Variants in REDIC1 observed in about 807,000 individuals in gnomAD.
REDIC1 encodes the protein regulator of DNA class I crossover intermediates 1.
the REDIC1 span, among the ~76,000 whole-genome samples, chr12:39,727,833 C>CAG: frequency 6.6e-6 from 1 of 152,136 alleles, no homozygotes; most frequent in Non-Finnish European, 1.5e-5. Context: ...TTTCCTAGAG[C>CAG]AGTGGTTTGT....
At chr12:39,810,214 C>T in the REDIC1 span, among the ~76,000 whole-genome samples, 13 of 152,156 alleles carry the variant, frequency 8.5e-5, no homozygotes, top group Non-Finnish European at 1.5e-4. Flanking sequence ...TTTAATTTCA[C>T]TCGGTAATAT....
At chr12:39,746,343 T>C in the REDIC1 span, among the ~76,000 whole-genome samples, 1 of 151,988 alleles carries the variant, frequency 6.6e-6, no homozygotes, top group African/African-American at 2.4e-5. Flanking sequence ...CATTGCTCAC[T>C]GAGATCAAAC....
the REDIC1 span, among the ~76,000 whole-genome samples, chr12:39,809,197 G>T: frequency 8.4e-4 from 128 of 152,050 alleles, 1 homozygote; most frequent in African/African-American, 2.6e-3. Context: ...GATTAATTTG[G>T]TTTTTTTATT....
the REDIC1 span, among the ~76,000 whole-genome samples, chr12:39,897,622 G>C: frequency 6.6e-6 from 1 of 152,148 alleles, no homozygotes; most frequent in Non-Finnish European, 1.5e-5. Context: ...TTGAGCACTA[G>C]AAATATGGCT....
chr12:39,753,048 C>T, the REDIC1 span, among the ~76,000 whole-genome samples: 1 of 152,172 alleles, frequency 6.6e-6, no homozygotes, highest in South Asian at 2.1e-4. Context: ...GTCTGAGGAC[C>T]ATGCTTGGAG....
chr12:39,682,859 A>G, the REDIC1 span: 1 of 1,612,590 alleles, frequency 6.2e-7, no homozygotes. Context: ...AACATAGATG[A>G]GCAAAGGATA....
the REDIC1 span, among the ~76,000 whole-genome samples, chr12:39,699,114 GTAAA>G: frequency 9.2e-5 from 14 of 152,200 alleles, no homozygotes; most frequent in South Asian, 4.1e-4. Flanking sequence ...AAAAGAAGAT[GTAAA>G]TAAATAAAAT....
At chr12:39,812,996 A>ATTTT in the REDIC1 span, among the ~76,000 whole-genome samples, 4,127 of 40,520 alleles carry the variant, frequency 0.1, 1,547 homozygotes, top group Non-Finnish European at 0.11. Flanking sequence ...TGCCCAGCTA[A>ATTTT]TTTTTTTTTT....
At chr12:39,847,478 A>T in the REDIC1 span, among the ~76,000 whole-genome samples, 149 of 152,178 alleles carry the variant, frequency 9.8e-4, no homozygotes, top group Non-Finnish European at 1.6e-3. Flanking sequence ...CTTCAAAGGG[A>T]GCTGATTCAG....
the REDIC1 span, among the ~76,000 whole-genome samples, chr12:39,809,412 G>A: frequency 1.3e-5 from 2 of 152,200 alleles, no homozygotes; most frequent in South Asian, 2.1e-4. Flanking sequence ...ATTTCAGAAC[G>A]AGCTTGTCAT....
the REDIC1 span, among the ~76,000 whole-genome samples, chr12:39,699,373 G>A: frequency 2.6e-4 from 39 of 152,182 alleles, no homozygotes; most frequent in African/African-American, 7.5e-4. Flanking sequence ...ACTCCCATCC[G>A]AATACTGCGC....
At chr12:39,712,080 G>GTA in the REDIC1 span, among the ~76,000 whole-genome samples, 2 of 79,532 alleles carry the variant, frequency 2.5e-5, no homozygotes, top group African/African-American at 8.6e-5. Flanking sequence ...ATACCGGTAT[G>GTA]TATATATACA....
At chr12:39,721,127 T>C in the REDIC1 span, 3 of 1,613,768 alleles carry the variant, frequency 1.9e-6, no homozygotes, top group South Asian at 1.1e-5. Context: ...GATGTTGCCA[T>C]ACAGTGTGAT....
the REDIC1 span, among the ~76,000 whole-genome samples, chr12:39,666,465 T>G: frequency 6.6e-6 from 1 of 152,230 alleles, no homozygotes; most frequent in Non-Finnish European, 1.5e-5. Context: ...GGATTCAGTT[T>G]GCCAGTATTT....
the REDIC1 span, chr12:39,764,475 A>T: frequency 6.3e-7 from 1 of 1,596,672 alleles, no homozygotes; most frequent in South Asian, 1.2e-5. Context: ...TATGTAAGAT[A>T]CTCTGCTGTG....
chr12:39,775,133 T>G, the REDIC1 span, among the ~76,000 whole-genome samples: 1 of 152,170 alleles, frequency 6.6e-6, no homozygotes, highest in Non-Finnish European at 1.5e-5. Context: ...ATCACAAGAT[T>G]AACATAGATA....
the REDIC1 span, among the ~76,000 whole-genome samples, chr12:39,740,420 G>A: frequency 6.6e-6 from 1 of 152,136 alleles, no homozygotes; most frequent in African/African-American, 2.4e-5. Context: ...ATTAGGCATA[G>A]GCTATATTTC....
At chr12:39,762,789 A>G in the REDIC1 span, among the ~76,000 whole-genome samples, 2 of 152,224 alleles carry the variant, frequency 1.3e-5, no homozygotes, top group South Asian at 2.1e-4. Flanking sequence ...TTCTACTACT[A>G]GAGAGTAGTA....
the REDIC1 span, among the ~76,000 whole-genome samples, chr12:39,685,793 C>A: frequency 3.9e-5 from 6 of 152,202 alleles, no homozygotes; most frequent in East Asian, 1.9e-4. Flanking sequence ...CCTGTAAAAT[C>A]AAAAATAAGG....
Sources: allele counts gnomAD v4.1 joint callset (sites outside exome capture counted in the v4.1 genomes callset), GRCh38; gene constraint gnomAD v4.1.1; transcripts MANE v1.5; gene names NCBI Gene and HGNC (gene_info 2026-07-23, HGNC 2026-07-21).